The following C7orf78 variants were observed in gnomAD, a reference collection of about 807,000 sequenced individuals.
C7orf78 encodes the protein chromosome 7 open reading frame 78.
chr7:12,541,268 CAAT>C, the C7orf78 span: 1 of 152,152 alleles, frequency 6.6e-6, no homozygotes, highest in Non-Finnish European at 1.5e-5. Context: ...AGACAAACAA[CAAT>C]AATGCTTACT....
chr7:12,507,643 A>C, the C7orf78 span, among the ~76,000 whole-genome samples: 1 of 152,228 alleles, frequency 6.6e-6, no homozygotes, highest in Non-Finnish European at 1.5e-5. Context: ...GTTTAAAGGT[A>C]ATTAGACAGT....
At chr7:12,524,521 T>C in the C7orf78 span, among the ~76,000 whole-genome samples, 1 of 152,140 alleles carries the variant, frequency 6.6e-6, no homozygotes, top group African/African-American at 2.4e-5. Context: ...AGGGAGGTCA[T>C]TTAAATATTA....
chr7:12,528,547 C>T, the C7orf78 span, among the ~76,000 whole-genome samples: 1 of 152,072 alleles, frequency 6.6e-6, no homozygotes, highest in Admixed American at 6.6e-5. Flanking sequence ...ATGTGTCACT[C>T]ACTTTGGTAG....
the C7orf78 span, among the ~76,000 whole-genome samples, chr7:12,506,338 C>T: frequency 1.3e-5 from 2 of 150,530 alleles, no homozygotes; most frequent in African/African-American, 4.9e-5. Context: ...AAGACACATG[C>T]ACACATATGT....
the C7orf78 span, among the ~76,000 whole-genome samples, chr7:12,498,611 G>A: frequency 6.6e-6 from 1 of 152,204 alleles, no homozygotes. Context: ...CGTCTGATTG[G>A]TGTACCTGAA....
the C7orf78 span, among the ~76,000 whole-genome samples, chr7:12,519,904 C>A: frequency 1.3e-5 from 2 of 152,212 alleles, no homozygotes; most frequent in Admixed American, 6.5e-5. Context: ...GCTAGGCTCT[C>A]ACAGTGGTGC....
the C7orf78 span, chr7:12,528,758 A>T: frequency 2.6e-6 from 1 of 391,812 alleles, no homozygotes; most frequent in Non-Finnish European, 4.5e-6. Context: ...AGAATAAGAA[A>T]AGTTTTGTTT....
the C7orf78 span, among the ~76,000 whole-genome samples, chr7:12,537,562 A>G: frequency 2.6e-5 from 4 of 152,342 alleles, no homozygotes; most frequent in Non-Finnish European, 2.9e-5. Flanking sequence ...ATTTTGCAAT[A>G]TATTCTAAAG....
At chr7:12,494,376 G>C in the C7orf78 span, among the ~76,000 whole-genome samples, 5 of 152,142 alleles carry the variant, frequency 3.3e-5, no homozygotes, top group Non-Finnish European at 7.3e-5. Context: ...ACTTAGTCAA[G>C]GGAGCATATT....
chr7:12,506,713 C>T, the C7orf78 span: 4 of 258,374 alleles, frequency 1.5e-5, no homozygotes, highest in African/African-American at 2.3e-5. Flanking sequence ...ATAGGTACAG[C>T]AAACCAACAT....
the C7orf78 span, among the ~76,000 whole-genome samples, chr7:12,498,675 G>C: frequency 6.6e-6 from 1 of 152,022 alleles, no homozygotes; most frequent in Non-Finnish European, 1.5e-5. Context: ...ATATTATCCA[G>C]GAGAATTTCC....
chr7:12,497,607 C>T, the C7orf78 span, among the ~76,000 whole-genome samples: 1 of 152,184 alleles, frequency 6.6e-6, no homozygotes, highest in Admixed American at 6.5e-5. Context: ...TCGCTGATTG[C>T]TAGCACAGCA....
chr7:12,527,806 T>C, the C7orf78 span, among the ~76,000 whole-genome samples: 2 of 150,484 alleles, frequency 1.3e-5, no homozygotes, highest in Non-Finnish European at 3.0e-5. Context: ...ATGGAACATG[T>C]CAGCTTTCCT....
the C7orf78 span, among the ~76,000 whole-genome samples, chr7:12,514,893 T>C: frequency 6.6e-6 from 1 of 152,186 alleles, no homozygotes; most frequent in Non-Finnish European, 1.5e-5. Flanking sequence ...TTCTTAGATA[T>C]AGTATCCATA....
chr7:12,487,997 C>T, the C7orf78 span, among the ~76,000 whole-genome samples: 1 of 152,022 alleles, frequency 6.6e-6, no homozygotes, highest in Non-Finnish European at 1.5e-5. Context: ...TCAGAAAACT[C>T]TGTTACCACA....
the C7orf78 span, among the ~76,000 whole-genome samples, chr7:12,499,206 A>G: frequency 5.9e-5 from 9 of 152,022 alleles, no homozygotes; most frequent in Non-Finnish European, 1.2e-4. Context: ...CTAACATCAT[A>G]ATGACAGGAT....
chr7:12,499,315 T>C, the C7orf78 span, among the ~76,000 whole-genome samples: 1 of 151,972 alleles, frequency 6.6e-6, no homozygotes, highest in Non-Finnish European at 1.5e-5. Context: ...TCAAGACCCA[T>C]CAGTGTGCTG....
At chr7:12,505,615 C>T in the C7orf78 span, among the ~76,000 whole-genome samples, 1 of 152,062 alleles carries the variant, frequency 6.6e-6, no homozygotes, top group Non-Finnish European at 1.5e-5. Context: ...AGTGCAACAT[C>T]TTGGACAACC....
At chr7:12,509,647 T>G in the C7orf78 span, among the ~76,000 whole-genome samples, 1 of 152,230 alleles carries the variant, frequency 6.6e-6, no homozygotes, top group East Asian at 1.9e-4. Flanking sequence ...CAGTCTCTGA[T>G]ATTCATCATT....
Sources: gnomAD v4.1 joint callset for allele counts (sites outside exome capture counted in the v4.1 genomes callset) on GRCh38, gnomAD v4.1.1 for gene constraint, MANE v1.5 for transcripts, NCBI Gene and HGNC (gene_info 2026-07-23, HGNC 2026-07-21) for gene names.